Variants in EYA2 observed in about 807,000 individuals in gnomAD.
The protein encoded by EYA2 is protein phosphatase EYA2.
A neutral mutation model predicts 69.2 loss-of-function variants in EYA2; 31 were observed. The ratio of observed to expected loss-of-function variants is 0.45; its 90% CI spans 0.34 to 0.60. The LOEUF is 0.60. EYA2 is among the 20% of genes least tolerant of loss of function. The pLI, the probability that EYA2 is intolerant of heterozygous loss-of-function variation, is 0.02. For missense variants in EYA2, 622 were observed against 701.2 expected (o/e 0.89, Z 1.28); for synonymous variants, 257 against 279.4 (o/e 0.92, Z 0.80).
intron 5 of EYA2, among the ~76,000 whole-genome samples, chr20:47,017,586 T>C (rs1357841671): frequency 6.6e-6 from 1 of 152,106 alleles, no homozygotes; most frequent in Non-Finnish European, 1.5e-5. Flanking sequence ...ATCTTAGGTA[T>C]GTGTGTAGGG....
intron 1 of EYA2, among the ~76,000 whole-genome samples, chr20:46,913,501 G>A (rs1984750346): frequency 6.6e-6 from 1 of 152,206 alleles, no homozygotes; most frequent in South Asian, 2.1e-4. Context: ...TCTGCCTTAA[G>A]TAGAGCAGAA....
At chr20:47,142,580 C>G (rs80203753) in intron 9 of EYA2, among the ~76,000 whole-genome samples, 2,627 of 152,162 alleles carry the variant, frequency 0.017, 115 homozygotes, top group East Asian at 0.16. Flanking sequence ...TTTTAAATAT[C>G]AAGAGGAGGG....
At chr20:47,057,139 GAGGA>G (rs61126274) in intron 5 of EYA2, among the ~76,000 whole-genome samples, 15,607 of 128,990 alleles carry the variant, frequency 0.12, 1,181 homozygotes, top group African/African-American at 0.22. Flanking sequence ...AGGAAGGAGG[GAGGA>G]AGGAAGGAAG....
intron 1 of EYA2, among the ~76,000 whole-genome samples, chr20:46,941,039 C>T (rs1188495861): frequency 6.6e-6 from 1 of 152,164 alleles, no homozygotes. Flanking sequence ...TGCAAGAGGC[C>T]CCATCTTCCC....
At chr20:46,978,616 G>C (rs1279204611) in intron 1 of EYA2, 1 of 534,820 alleles carries the variant, frequency 1.9e-6, no homozygotes, top group East Asian at 5.4e-5. Context: ...AAAGCCGTCA[G>C]AGGTTATAAG....
chr20:47,041,280 T>C (rs959545474), intron 5 of EYA2, among the ~76,000 whole-genome samples: 6 of 152,192 alleles, frequency 3.9e-5, no homozygotes, highest in African/African-American at 1.4e-4. Context: ...CCATGCTCTT[T>C]CCTTTAATTT....
intron 4 of EYA2, among the ~76,000 whole-genome samples, chr20:47,008,127 G>A (rs548814383): frequency 3.3e-5 from 5 of 152,320 alleles, no homozygotes; most frequent in African/African-American, 4.8e-5. Context: ...AGGTCCTGTC[G>A]AGGCATCAGT....
In EYA2 at chr20:47,074,200, C is replaced by G. The variant is rs1336758324; in HGVS notation, c.526C>G (p.Gln176Glu). The change falls in exon 7 of 16, where the codon CAG becomes GAG. Residue 176 changes from glutamine (Q) to glutamate (E), a missense_variant. By Grantham distance (29) the Gln-to-Glu change is conservative. This residue lies in a region of EYA2 where 365 missense variants were observed against 349.7 expected (regional missense o/e 1.04). Coordinates refer to ENST00000327619, the MANE Select transcript of EYA2 (RefSeq NM_005244.5). ...YPGFPQSQYPQYYGSSYNPPY... is the reference protein window; with the variant it reads ...YPGFPQSQYPEYYGSSYNPPY... ...CGGCTTCCCCCAGAGCCAGTACCCC[C>G]AGTATTACGGCTCATCCTACAACCC... 11 of 1,613,698 alleles carry G rather than the reference C, an allele frequency of 6.8e-6. No individual in the cohort carries two copies. Among genetic ancestry groups the G allele is most frequent in the African/African-American group, 2.7e-5 (2 of 74,906 alleles).
intron 9 of EYA2, among the ~76,000 whole-genome samples, chr20:47,119,560 A>C (rs1384107345): frequency 6.6e-6 from 1 of 152,226 alleles, no homozygotes; most frequent in African/African-American, 2.4e-5. Flanking sequence ...AGCCAGATAC[A>C]GAAGGTCATA....
intron 1 of EYA2, among the ~76,000 whole-genome samples, chr20:46,917,467 T>C (rs1225384805): frequency 6.6e-6 from 1 of 152,206 alleles, no homozygotes. Flanking sequence ...CAAACACCAA[T>C]ACGTGGGACT....
intron 5 of EYA2, among the ~76,000 whole-genome samples, chr20:47,028,620 C>A (rs1388010766): frequency 6.6e-6 from 1 of 152,218 alleles, no homozygotes; most frequent in African/African-American, 2.4e-5. Context: ...CAGTCCCTGC[C>A]CCCCTGGAGT....
At chr20:47,126,496 C>T (rs968674434) in intron 9 of EYA2, among the ~76,000 whole-genome samples, 1 of 152,212 alleles carries the variant, frequency 6.6e-6, no homozygotes, top group Admixed American at 6.5e-5. Context: ...CTGCAGGAGT[C>T]AGTCCTAACT....
chr20:47,103,399 A>C (rs1459546493), intron 9 of EYA2, among the ~76,000 whole-genome samples: 5 of 152,158 alleles, frequency 3.3e-5, no homozygotes, highest in African/African-American at 4.8e-5. Context: ...TCAGTACTCC[A>C]TTCCTTTTTA....
intron 10 of EYA2, among the ~76,000 whole-genome samples, chr20:47,149,056 G>A (rs558015348): frequency 6.6e-5 from 10 of 151,392 alleles, no homozygotes; most frequent in East Asian, 3.9e-4. Flanking sequence ...CAGCCTGGGC[G>A]ATAGAGGGAG....
chr20:47,188,469 C>G lies in EYA2; in HGVS notation c.*336C>G, dbSNP rs1364965823. The stretch of plus-strand genomic sequence containing the variant: ...GGAGGGGATGGGTTTGTCTTGTCTT[C>G]TTTTTAATTTATGGACTAGTCTCAT... On this transcript the variant is annotated 3_prime_UTR_variant, in exon 16 of 16. Coordinates refer to ENST00000327619, the MANE Select transcript of EYA2 (RefSeq NM_005244.5). The G allele has an allele frequency of 3.7e-6, 2 of 540,030 alleles. No individual in the cohort carries two copies. Among genetic ancestry groups the G allele is most frequent in the African/African-American group, 3.8e-5 (2 of 53,292 alleles). 33.5% of individuals were successfully genotyped at this position (540,030 alleles called of 1,614,324 possible).
chr20:46,901,781 C>T (rs1984126771), intron 1 of EYA2: 1 of 152,176 alleles, frequency 6.6e-6, no homozygotes, highest in South Asian at 2.1e-4. Context: ...CTCCGCTGCT[C>T]GGAAGGTGTC....
intron 5 of EYA2, among the ~76,000 whole-genome samples, chr20:47,054,359 G>C (rs959779022): frequency 1.3e-5 from 2 of 152,202 alleles, no homozygotes; most frequent in Admixed American, 6.5e-5. Context: ...ATTCATCGCA[G>C]TTTCCCCTGA....
At position 47,074,211 on chromosome 20, in the gene EYA2, C is replaced by T. The variant is rs370935322; in HGVS notation, c.537C>T (p.Gly179=). 11 of 1,614,092 alleles carry T rather than the reference C, an allele frequency of 6.8e-6. No individual in the cohort carries two copies. In the Middle Eastern group the frequency reaches 4.9e-4, roughly 73 times the overall value. ...FPQSQYPQYY[G]SSYNPPYVPA... is the part of the protein sequence containing the mutation. ...AGAGCCAGTACCCCCAGTATTACGG[C>T]TCATCCTACAACCCTCCCTACGTCC... The change falls in exon 7 of 16, where the codon GGC becomes GGT. Residue 179 remains glycine, a synonymous_variant. Transcript: ENST00000327619.
chr20:46,937,152 A>G (rs930462622), intron 1 of EYA2, among the ~76,000 whole-genome samples: 1 of 152,204 alleles, frequency 6.6e-6, no homozygotes, highest in African/African-American at 2.4e-5. Flanking sequence ...CTCACATTTC[A>G]GAAGAAAAAA....
Sources: gnomAD v4.1 joint callset for allele counts (sites outside exome capture counted in the v4.1 genomes callset) on GRCh38, gnomAD v4.1.1 for gene constraint, gnomAD v4.1.1 regional missense constraint, MANE v1.5 for transcripts, NCBI Gene and HGNC (gene_info 2026-07-23, HGNC 2026-07-21) for gene names.